Variants in WAPL observed in about 807,000 individuals in gnomAD.
The protein encoded by WAPL is WAPL cohesin release factor.
WAPL carries 5 observed loss-of-function variants against 121.0 expected under a neutral mutation model. That is an observed-to-expected ratio of 0.04 (90% CI 0.02 to 0.09). WAPL has a LOEUF of 0.09. Ranked by LOEUF, WAPL falls within the 10% of genes least tolerant of loss-of-function variation. WAPL has a pLI of 1.00. For synonymous variants in WAPL, 480 were observed against 481.5 expected (o/e 1.00, Z 0.04); for missense variants, 999 against 1,410.8 (o/e 0.71, Z 4.68).
chr10:86,503,999 G>T (rs1398349239), intron 2 of WAPL, among the ~76,000 whole-genome samples: 6 of 151,094 alleles, frequency 4.0e-5, no homozygotes, highest in Non-Finnish European at 7.4e-5. Context: ...GTGAAACCCT[G>T]TCTCCACTAA....
chr10:86,519,256 G>A (rs1453945547), intron 1 of WAPL, among the ~76,000 whole-genome samples: 1 of 152,040 alleles, frequency 6.6e-6, no homozygotes, highest in Non-Finnish European at 1.5e-5. Flanking sequence ...ATCAGTAACC[G>A]TTTGTCTAAC....
intron 4 of WAPL, among the ~76,000 whole-genome samples, chr10:86,493,406 G>A (rs1436170989): frequency 1.3e-5 from 2 of 151,836 alleles, no homozygotes; most frequent in Non-Finnish European, 2.9e-5. Flanking sequence ...TTATAGAGAG[G>A]GAGAAAGGAA....
In WAPL at chr10:86,509,193, T is replaced by C. The variant is rs898714483; in HGVS notation, c.499+8378A>G. Among the ~76,000 whole-genome samples the C allele has an allele frequency of 2.7e-4, 41 of 152,216 alleles. 1 individual carries two copies. Among genetic ancestry groups the C allele is most frequent in the African/African-American group, 8.9e-4 (37 of 41,462 alleles). On this transcript the variant is annotated intron_variant, in intron 2 of 18. Transcript: ENST00000298767. The stretch of plus-strand genomic sequence containing the variant: ...ATCAAGGCTTCTTATCTCAGCTCCA[T>C]TCCAGCAAATCTGCCACTGAAACAT...
At chr10:86,497,058 G>A (rs1842163482) in intron 4 of WAPL, 143 bp downstream of exon 4, 1 of 642,812 alleles carries the variant, frequency 1.6e-6, no homozygotes. Context: ...TTAAAAAATG[G>A]TTATATCTGA....
chr10:86,446,055 C>T (rs1463423091), intron 16 of WAPL, among the ~76,000 whole-genome samples, 187 bp downstream of exon 16: 1 of 152,200 alleles, frequency 6.6e-6, no homozygotes, highest in Non-Finnish European at 1.5e-5. Context: ...CTGCCACTGG[C>T]ACGCACCTTC....
intron 4 of WAPL, among the ~76,000 whole-genome samples, chr10:86,491,984 GCAAGTATGTACTGTCTGAC>G (rs1205283538): frequency 6.6e-6 from 1 of 152,132 alleles, no homozygotes; most frequent in Non-Finnish European, 1.5e-5. Flanking sequence ...CTATGTAACT[GCAAGTATGTACTGTCTGAC>G]CAACACTGCC....
intron 9 of WAPL, among the ~76,000 whole-genome samples, chr10:86,461,799 A>C (rs1841281485): frequency 6.6e-6 from 1 of 152,180 alleles, no homozygotes; most frequent in Non-Finnish European, 1.5e-5. Context: ...ACAGTTTTTC[A>C]CATATTAACT....
At chr10:86,488,186 C>T (rs556850327) in intron 4 of WAPL, among the ~76,000 whole-genome samples, 18 of 152,214 alleles carry the variant, frequency 1.2e-4, no homozygotes, top group African/African-American at 3.9e-4. Context: ...TGGTTCTAAA[C>T]ATACACAGAA....
chr10:86,502,750 G>A (rs1842269608), intron 2 of WAPL, among the ~76,000 whole-genome samples: 1 of 152,148 alleles, frequency 6.6e-6, no homozygotes, highest in East Asian at 1.9e-4. Context: ...AGAAAAAAAG[G>A]CCCAGAGGGG....
chr10:86,507,125 T>C (rs1176441508), intron 2 of WAPL, among the ~76,000 whole-genome samples: 1 of 150,660 alleles, frequency 6.6e-6, no homozygotes, highest in South Asian at 2.1e-4. Flanking sequence ...CCCAGCACTT[T>C]GGGAGGCCGA....
At position 86,472,561 on chromosome 10, in the gene WAPL, T is replaced by C. The variant is rs756117613; in HGVS notation, c.1893+51A>G. 6.3e-7 allele frequency: 1 copy of C among 1,589,818 alleles called. No homozygotes were observed. ...TTGAAGATATTAAATGGCTAAATGT[T>C]ACATACAAAAATCTATCAACATGCA... is the stretch of plus-strand genomic sequence containing the variant. On this transcript the variant is annotated intron_variant, in intron 6 of 18. Coordinates refer to ENST00000298767, the MANE Select transcript of WAPL (RefSeq NM_015045.5). This position sits in a 1 kb window ranked among gnomAD's most constrained non-coding sequence, Gnocchi z 4.2.
At chr10:86,460,107 TG>T (rs1841235573) in intron 11 of WAPL, among the ~76,000 whole-genome samples, 1 of 152,124 alleles carries the variant, frequency 6.6e-6, no homozygotes, top group African/African-American at 2.4e-5. Flanking sequence ...AGTGAGACTC[TG>T]GCTCAAAAAA....
chr10:86,473,449 G>T (rs1841579990), intron 5 of WAPL, among the ~76,000 whole-genome samples: 1 of 152,136 alleles, frequency 6.6e-6, no homozygotes. Context: ...TAATGTTTTG[G>T]ATTGAAAAGT....
chr10:86,519,209 C>G (rs1476805123), intron 1 of WAPL, among the ~76,000 whole-genome samples: 1 of 152,048 alleles, frequency 6.6e-6, no homozygotes, highest in East Asian at 1.9e-4. Flanking sequence ...TAGTTCTGTG[C>G]CTATTAAAAA....
intron 17 of WAPL, among the ~76,000 whole-genome samples, chr10:86,442,168 A>ATTAGAGGTGTGC (rs1849487172): frequency 6.6e-6 from 1 of 152,214 alleles, no homozygotes; most frequent in South Asian, 2.1e-4. Context: ...AGTAGCTGAG[A>ATTAGAGGTGTGC]TTAGAGGTGT....
At chr10:86,462,368 T>A (rs77507309) in intron 9 of WAPL, among the ~76,000 whole-genome samples, 1 of 152,232 alleles carries the variant, frequency 6.6e-6, no homozygotes, top group East Asian at 1.9e-4. Flanking sequence ...AGTGAAAACC[T>A]TAAGACTGCA....
chr10:86,515,929 G>A (rs536577861), intron 2 of WAPL, among the ~76,000 whole-genome samples: 2 of 140,344 alleles, frequency 1.4e-5, no homozygotes, highest in South Asian at 4.6e-4. Context: ...GCAGTGGTGC[G>A]ATCTCGGCTC....
intron 4 of WAPL, among the ~76,000 whole-genome samples, chr10:86,479,473 T>TG (rs924286452): frequency 6.6e-6 from 1 of 152,192 alleles, no homozygotes; most frequent in Non-Finnish European, 1.5e-5. Flanking sequence ...AGGCTGGTCT[T>TG]GAACTCCTGA....
At chr10:86,478,080 G>C (rs1369941581) in intron 4 of WAPL, among the ~76,000 whole-genome samples, 1 of 148,150 alleles carries the variant, frequency 6.7e-6, no homozygotes, top group African/African-American at 2.5e-5. Flanking sequence ...AAGAAAGAAA[G>C]AAAAGCAGAT....
Sources: allele counts gnomAD v4.1 joint callset (sites outside exome capture counted in the v4.1 genomes callset), GRCh38; gene constraint gnomAD v4.1.1; non-coding constraint Gnocchi (gnomAD v3.1); transcripts MANE v1.5; gene names NCBI Gene and HGNC (gene_info 2026-07-23, HGNC 2026-07-21).